ANKRD31: variants seen among roughly 807,000 people sequenced by gnomAD.
The protein encoded by ANKRD31 is ankyrin repeat domain 31.
ANKRD31 carries 147 observed loss-of-function variants against 186.0 expected under a neutral mutation model. The ratio of observed to expected loss-of-function variants is 0.79; its 90% CI spans 0.69 to 0.91. The LOEUF is 0.91. Ranked by LOEUF, ANKRD31 falls within the 40% of genes least tolerant of loss-of-function variation. ANKRD31 has a pLI of 0.00. For missense variants in ANKRD31, 1,986 were observed against 2,148.8 expected (o/e 0.92, Z 1.50); for synonymous variants, 673 against 736.4 (o/e 0.91, Z 1.39).
intron 21 of ANKRD31, among the ~76,000 whole-genome samples, chr5:75,105,952 C>A (rs939830112): frequency 6.6e-6 from 1 of 152,092 alleles, no homozygotes; most frequent in Admixed American, 6.6e-5. Context: ...CCACCCTGAC[C>A]TTCAGATTAT....
intron 20 of ANKRD31, among the ~76,000 whole-genome samples, chr5:75,111,460 G>A (rs1174917554): frequency 2.6e-5 from 4 of 152,028 alleles, no homozygotes; most frequent in South Asian, 2.1e-4. Flanking sequence ...AACATAACAC[G>A]TACCATGTTA....
chr5:75,180,954 A>C (rs1194667905), intron 10 of ANKRD31, among the ~76,000 whole-genome samples: 3 of 152,044 alleles, frequency 2.0e-5, no homozygotes, highest in South Asian at 4.1e-4. Flanking sequence ...CAACCTACAA[A>C]ATGGGAGAAA....
At position 75,193,426 on chromosome 5, in the gene ANKRD31, C is replaced by A; in HGVS notation, c.1183G>T (p.Val395Leu). The change falls in exon 8 of 26, where the codon GTA becomes TTA. Residue 395 changes from valine (V) to leucine (L), a missense_variant. Val to Leu is a conservative substitution (Grantham distance 32, BLOSUM62 1). Transcript: ENST00000506364. ...TCTGAGTACTTTGCATCTCTGCTTA[C>A]TTTCAGTTTTTCTAGTCTGGATGAT... ...RRSSRLEKLK[V>L]SRDAKYSDHM... is the part of the protein sequence containing the mutation. 3.9e-6 allele frequency: 6 copies of A among 1,537,232 alleles called. No homozygotes were observed. The highest frequency in any genetic ancestry group is 5.2e-6 in the Non-Finnish European group (6 of 1,146,762).
intron 17 of ANKRD31, among the ~76,000 whole-genome samples, chr5:75,123,514 G>C (rs984344776): frequency 1.3e-5 from 2 of 152,024 alleles, no homozygotes; most frequent in Admixed American, 1.3e-4. Context: ...CAAAGCTAGA[G>C]AGAGCACATT....
intron 25 of ANKRD31, among the ~76,000 whole-genome samples, chr5:75,070,249 A>G (rs1744114795): frequency 6.6e-6 from 1 of 152,204 alleles, no homozygotes; most frequent in Non-Finnish European, 1.5e-5. Flanking sequence ...GGAAAAACCC[A>G]TAGAAATAAA....
rs2150219778 is a variant in ANKRD31, at chr5:75,181,406, A to C, written c.1564+7087T>G. ...CTGGGTATATACCCAAAGGATTATA[A>C]ATCATGCTGCTATAAAGACACATGC... is the stretch of plus-strand genomic sequence containing the variant. On this transcript the variant is annotated intron_variant, in intron 10 of 25. Coordinates refer to ENST00000506364, the MANE Select transcript of ANKRD31 (RefSeq NM_001372053.1). Among the ~76,000 whole-genome samples, 2 of 152,282 alleles carry C rather than the reference A, an allele frequency of 1.3e-5. 1 individual carries two copies. The highest frequency in any genetic ancestry group is 4.1e-4 in the South Asian group (2 of 4,822).
intron 12 of ANKRD31, among the ~76,000 whole-genome samples, chr5:75,152,977 C>G (rs1003511886): frequency 6.6e-6 from 1 of 151,876 alleles, no homozygotes; most frequent in African/African-American, 2.4e-5. Flanking sequence ...TGACTCACTT[C>G]TAACAAACAG....
intron 25 of ANKRD31, among the ~76,000 whole-genome samples, chr5:75,075,823 T>G (rs1333358669): frequency 1.3e-5 from 2 of 152,184 alleles, no homozygotes; most frequent in Non-Finnish European, 2.9e-5. Context: ...ATTTAGATGT[T>G]GCATGTAAAA....
chr5:75,121,195 A>C (rs1405528549), intron 17 of ANKRD31, among the ~76,000 whole-genome samples: 1 of 151,588 alleles, frequency 6.6e-6, no homozygotes, highest in Non-Finnish European at 1.5e-5. Context: ...AAAAAAAAAA[A>C]GATAGAGGGG....
intron 10 of ANKRD31, among the ~76,000 whole-genome samples, chr5:75,188,196 A>G (rs188439861): frequency 5.9e-5 from 9 of 152,222 alleles, no homozygotes; most frequent in Middle Eastern, 3.4e-3. Context: ...GCTGAGTCTC[A>G]TAGTAACAAT....
At chr5:75,150,924 T>C (rs1751797902) in intron 12 of ANKRD31, among the ~76,000 whole-genome samples, 1 of 152,002 alleles carries the variant, frequency 6.6e-6, no homozygotes, top group Admixed American at 6.6e-5. Flanking sequence ...AGACCTGGCT[T>C]CAACAAGTTA....
chr5:75,221,881 T>C (rs772317792), intron 3 of ANKRD31, among the ~76,000 whole-genome samples: 5 of 152,200 alleles, frequency 3.3e-5, no homozygotes, highest in Non-Finnish European at 4.4e-5. Flanking sequence ...ATACAGTATA[T>C]AATACATATA....
At chr5:75,122,248 G>C (rs1367322001) in intron 17 of ANKRD31, among the ~76,000 whole-genome samples, 1 of 150,692 alleles carries the variant, frequency 6.6e-6, no homozygotes, top group Non-Finnish European at 1.5e-5. Context: ...ACTGAACCTT[G>C]AAGAACTAGA....
chr5:75,109,311 G>A (rs533105616), intron 20 of ANKRD31, among the ~76,000 whole-genome samples: 25 of 152,290 alleles, frequency 1.6e-4, no homozygotes, highest in African/African-American at 5.3e-4. Flanking sequence ...TGATAGAAAA[G>A]TGAGTGCAAG....
chr5:75,138,838 A>C lies in ANKRD31; in HGVS notation c.3733+8T>G, dbSNP rs1258810976. ...TTATAAAGGTAATTAAATTAAAAGG[A>C]TCCAAACCTGCATTATCATTTAGAT... On this transcript the variant is annotated splice_region_variant and intron_variant, in intron 16 of 25. Coordinates refer to ENST00000506364, the MANE Select transcript of ANKRD31 (RefSeq NM_001372053.1). 6.5e-7 allele frequency: 1 copy of C among 1,535,752 alleles called. No homozygotes were observed. The highest frequency in any genetic ancestry group is 8.7e-7 in the Non-Finnish European group (1 of 1,146,114).
In ANKRD31 at chr5:75,105,396, A is replaced by AATATG. The variant is rs879665723; in HGVS notation, c.4341-179_4341-178insCATAT. The stretch of plus-strand genomic sequence containing the variant: ...TAATCTGACCACCTGCAGCCTGTTG[A>AATATG]CGCAAAATATTTCCTTTGAGAGGAA... On this transcript the variant is annotated intron_variant, in intron 21 of 25. Transcript: ENST00000506364. 2.8e-3 allele frequency among the ~76,000 whole-genome samples: 431 copies of AATATG among 152,258 alleles called. 1 individual carries two copies. The highest frequency in any genetic ancestry group is 0.024 in the Middle Eastern group (7 of 294).
intron 10 of ANKRD31, among the ~76,000 whole-genome samples, chr5:75,177,755 A>G (rs2150209727): frequency 6.6e-6 from 1 of 152,294 alleles, no homozygotes; most frequent in South Asian, 2.1e-4. Context: ...GAAAGGAACA[A>G]CTGGTACCAG....
At chr5:75,159,870 A>T (rs1226332551) in intron 11 of ANKRD31, among the ~76,000 whole-genome samples, 1 of 152,140 alleles carries the variant, frequency 6.6e-6, no homozygotes, top group African/African-American at 2.4e-5. Context: ...TTTAAAAAGC[A>T]ATGGCATAAA....
At chr5:75,087,555 A>G (rs1036722985) in intron 23 of ANKRD31, among the ~76,000 whole-genome samples, 2 of 152,146 alleles carry the variant, frequency 1.3e-5, no homozygotes, top group Non-Finnish European at 2.9e-5. Context: ...TGGATGATCA[A>G]ATAACTACTT....
Sources: allele counts gnomAD v4.1 joint callset (sites outside exome capture counted in the v4.1 genomes callset), GRCh38; gene constraint gnomAD v4.1.1; transcripts MANE v1.5; gene names NCBI Gene and HGNC (gene_info 2026-07-23, HGNC 2026-07-21).